Variants in CLCN1 observed in about 807,000 individuals in gnomAD.
The protein encoded by CLCN1 is chloride channel protein 1.
A neutral mutation model predicts 114.5 loss-of-function variants in CLCN1; 100 were observed. That is an observed-to-expected ratio of 0.87 (90% CI 0.74 to 1.03). The LOEUF is 1.03. Ranked by LOEUF, CLCN1 falls within the 50% of genes least tolerant of loss-of-function variation. The pLI, the probability that CLCN1 is intolerant of heterozygous loss-of-function variation, is 0.00. For synonymous variants in CLCN1, 485 were observed against 487.1 expected, an observed-to-expected ratio of 1.00 and a Z score of 0.06; for missense variants, 1,188 against 1,250.0, an observed-to-expected ratio of 0.95 and a Z score of 0.75.
intron 2 of CLCN1, 91 bp from the exon 3 acceptor site, chr7:143,320,570 TCTC>T: frequency 9.6e-7 from 1 of 1,046,722 alleles, no homozygotes; most frequent in Non-Finnish European, 1.4e-6. Context: ...TCTCTCTCTC[TCTC>T]TCTCTCTCTC....
intron 1 of CLCN1, among the ~76,000 whole-genome samples, chr7:143,318,715 G>A (rs996308032): frequency 2.6e-5 from 4 of 152,122 alleles, no homozygotes; most frequent in Admixed American, 1.3e-4. Context: ...ACTGGCCTGG[G>A]GCCTTGAGGA....
intron 7 of CLCN1, among the ~76,000 whole-genome samples, chr7:143,327,487 G>C (rs1184679837): frequency 6.6e-6 from 1 of 152,150 alleles, no homozygotes; most frequent in African/African-American, 2.4e-5. Flanking sequence ...CCCTTTGTCA[G>C]ATGTGTGCAG....
chr7:143,337,697 G>A (rs1158575850), intron 12 of CLCN1, among the ~76,000 whole-genome samples: 1 of 150,954 alleles, frequency 6.6e-6, no homozygotes, highest in African/African-American at 2.4e-5. Flanking sequence ...TTTTGGAAGG[G>A]ATATATAAAC....
At position 143,341,952 on chromosome 7, in the gene CLCN1, G is replaced by A. The variant is rs777685454; in HGVS notation, c.1606G>A (p.Val536Ile). The change falls in exon 15 of 23, where the codon GTT (valine) becomes ATT (isoleucine). Residue 536 changes from valine to isoleucine, a missense_variant. By Grantham distance (29) the Val-to-Ile change is conservative. Coordinates refer to ENST00000343257, the MANE Select transcript of CLCN1 (RefSeq NM_000083.3). The part of the protein sequence containing the change: ...VIGAAALTGA[V>I]SHTVSTAVIC... ...AGGAGCAGCAGCGCTGACTGGTGCC[G>A]TTTCCCACACAGTCTCCACAGCTGT... is the stretch of plus-strand genomic sequence containing the variant. The A allele has an allele frequency of 2.0e-5, 32 of 1,613,744 alleles. No individual in the cohort carries two copies. The highest frequency in any genetic ancestry group is 2.2e-5 in the East Asian group (1 of 44,898).
chr7:143,346,512 TG>T, intron 18 of CLCN1, 66 bp from the exon 19 acceptor site: 1 of 1,271,560 alleles, frequency 7.9e-7, no homozygotes, highest in Non-Finnish European at 1.2e-6. Context: ...TGTTAGGCAC[TG>T]GGTGGGGCCC....
intron 7 of CLCN1, among the ~76,000 whole-genome samples, chr7:143,329,130 A>G (rs1266288315): frequency 6.6e-6 from 1 of 151,764 alleles, no homozygotes; most frequent in Non-Finnish European, 1.5e-5. Context: ...ACAGCGCCTG[A>G]CTAATTTTTG....
chr7:143,324,455 T>C lies in CLCN1; in HGVS notation c.816T>C (p.Ala272=), dbSNP rs1258648680. Residue 272 remains alanine, a synonymous_variant, in exon 7 of 23, where the codon GCT becomes GCC. Coordinates refer to ENST00000343257, the MANE Select transcript of CLCN1 (RefSeq NM_000083.3). This position sits in a 1 kb window ranked among gnomAD's most constrained non-coding sequence, Gnocchi z 4.6. ...YYSDILTVGC[A]VGVGCCFGTP... ...CTGATATCCTGACGGTGGGCTGTGC[T>C]GTGGGAGTCGGCTGTTGTTTTGGGA... 6.2e-7 allele frequency: 1 copy of C among 1,613,880 alleles called. No homozygotes were observed. The highest frequency in any genetic ancestry group is 1.3e-5 in the African/African-American group (1 of 74,882).
At chr7:143,347,620 C>CA (rs57147641) in intron 20 of CLCN1, among the ~76,000 whole-genome samples, 14,123 of 94,132 alleles carry the variant, frequency 0.15, 930 homozygotes, top group Non-Finnish European at 0.17. Context: ...GACTTTGCCT[C>CA]AAAAAAAAAA....
Position 143,339,130 on chromosome 7 carries a change from G to A in CLCN1, c.1402-123G>A. 1.3e-6 allele frequency: 1 copy of A among 786,440 alleles called. No homozygotes were observed. 48.7% of individuals were successfully genotyped at this position (786,440 alleles called of 1,614,324 possible). A position where few individuals can be genotyped will look rare whatever the true frequency, so the allele number is the denominator to read the frequency against. ...CTGGAAGAAGGGTGACAGACAAAGT[G>A]ACTTTCAGAAGGATCAGCTATCCCA... On this transcript the variant is annotated intron_variant, in intron 12 of 22. Transcript: ENST00000343257. The surrounding 1 kb of genome is among the most constrained non-coding windows in gnomAD (Gnocchi z 4.1).
Position 143,350,616 on chromosome 7 carries a change from A to C in CLCN1, c.2557A>C (p.Ser853Arg). Residue 853 changes from serine (S) to arginine (R), a missense_variant, in exon 22 of 23, where the codon AGC (serine) becomes CGC (arginine). Transcript: ENST00000343257. This position sits in a 1 kb window ranked among gnomAD's most constrained non-coding sequence, Gnocchi z 5.1. Reference sequence around the variant, plus strand: ...TGGCCTCCACCTCGCTTACGTGACCAGCATGGGGAAGCTCAGGGGCGTCCT... The same window carrying C: ...TGGCCTCCACCTCGCTTACGTGACCCGCATGGGGAAGCTCAGGGGCGTCCT... ...LLGLHLAYVT[S>R]MGKLRGVLAL... 1 of 1,614,162 alleles carries C rather than the reference A, an allele frequency of 6.2e-7. No individual in the cohort carries two copies.
chr7:143,345,806 CA>C, intron 17 of CLCN1, 44 bp downstream of exon 17: 6 of 1,363,114 alleles, frequency 4.4e-6, no homozygotes, highest in Non-Finnish European at 6.1e-6. Context: ...AGATCAGGAG[CA>C]AAGGGAAAAG....
At chr7:143,343,746 CTCTT>C (rs1471062086) in intron 16 of CLCN1, among the ~76,000 whole-genome samples, 1 of 150,788 alleles carries the variant, frequency 6.6e-6, no homozygotes, top group African/African-American at 2.4e-5. Flanking sequence ...TTCTTTCTTT[CTCTT>C]TCTCTCTCTC....
chr7:143,339,102 T>C lies in CLCN1; in HGVS notation c.1402-151T>C, dbSNP rs1053392407. 2 of 749,770 alleles carry C rather than the reference T, an allele frequency of 2.7e-6. No individual in the cohort carries two copies. The highest frequency in any genetic ancestry group is 3.4e-5 in the Admixed American group (2 of 58,142). 46.4% of individuals were successfully genotyped at this position (749,770 alleles called of 1,614,324 possible). On this transcript the variant is annotated intron_variant, in intron 12 of 22. Coordinates refer to ENST00000343257, the MANE Select transcript of CLCN1 (RefSeq NM_000083.3). This position sits in a 1 kb window ranked among gnomAD's most constrained non-coding sequence, Gnocchi z 4.1. Reference sequence around the variant, plus strand: ...TAGCCTGAGAGCTCTATGGCTTTTGTTTCTGGAAGAAGGGTGACAGACAAA... The same window carrying C: ...TAGCCTGAGAGCTCTATGGCTTTTGCTTCTGGAAGAAGGGTGACAGACAAA...
chr7:143,316,452 C>T, intron 1 of CLCN1, 60 bp downstream of exon 1: 1 of 1,490,834 alleles, frequency 6.7e-7, no homozygotes, highest in African/African-American at 1.4e-5. Context: ...GTGCCAGAGA[C>T]TGGTGAAAAT....
At position 143,330,796 on chromosome 7, in the gene CLCN1, C is replaced by G. The variant is rs762943928; in HGVS notation, c.878C>G (p.Thr293Ser). Reference sequence around the variant, plus strand: ...GGAGTGCTATTTAGCATCGAGGTCACCTCCACCTACTTTGCTGTTCGGAAC... The same window carrying G: ...GGAGTGCTATTTAGCATCGAGGTCAGCTCCACCTACTTTGCTGTTCGGAAC... ...LGGVLFSIEVTSTYFAVRNYW... is the reference protein window; with the variant it reads ...LGGVLFSIEVSSTYFAVRNYW... Residue 293 changes from threonine to serine, a missense_variant, in exon 8 of 23, where the codon ACC becomes AGC. By Grantham distance (58) the Thr-to-Ser change is moderately conservative. Transcript: ENST00000343257. 6.2e-7 allele frequency: 1 copy of G among 1,614,196 alleles called. No homozygotes were observed. The highest frequency in any genetic ancestry group is 1.1e-5 in the South Asian group (1 of 91,082).
intron 2 of CLCN1, 149 bp from the exon 3 acceptor site, chr7:143,320,515 A>G (rs1802395577): frequency 1.3e-6 from 1 of 741,698 alleles, no homozygotes; most frequent in Non-Finnish European, 2.2e-6. Context: ...CATCTTGGGT[A>G]TAGCACCCAA....
chr7:143,339,658 G>T lies in CLCN1; in HGVS notation c.1582+37G>T. The stretch of plus-strand genomic sequence containing the variant: ...TCCCACTTCCCTGTAATCAAACATT[G>T]AGTACTTCAGATCCCCACACTTAAA... On this transcript the variant is annotated intron_variant, in intron 14 of 22. Transcript: ENST00000343257. This position sits in a 1 kb window ranked among gnomAD's most constrained non-coding sequence, Gnocchi z 4.1. 8.2e-7 allele frequency: 1 copy of T among 1,223,948 alleles called. No homozygotes were observed. Among genetic ancestry groups the T allele is most frequent in the South Asian group, 1.2e-5 (1 of 83,002 alleles). The allele number at this position is 1,223,948 out of a possible 1,614,324, so 75.8% of individuals were successfully genotyped here.
rs761942077 is a variant in CLCN1 at position 143,316,163 on chromosome 7, G to A, written c.-50G>A. On this transcript the variant is annotated 5_prime_UTR_variant, in exon 1 of 23. Coordinates refer to ENST00000343257, the MANE Select transcript of CLCN1 (RefSeq NM_000083.3). ...GGCTTAAGGAGCTACACTGGGGGAA[G>A]GACAGGGGCAAGCAGGCCAAGGCCT... The A allele has an allele frequency of 1.3e-6, 2 of 1,486,686 alleles. No individual in the cohort carries two copies. The highest frequency in any genetic ancestry group is 2.3e-5 in the South Asian group (2 of 88,758). 92.1% of individuals were successfully genotyped at this position (1,486,686 alleles called of 1,614,324 possible).
chr7:143,317,707 C>T (rs1318048482), intron 1 of CLCN1, among the ~76,000 whole-genome samples: 4 of 152,006 alleles, frequency 2.6e-5, no homozygotes, highest in Non-Finnish European at 4.4e-5. Flanking sequence ...CTGACCAACC[C>T]CCAGGAGTAT....
Sources: gnomAD v4.1 joint callset for allele counts (sites outside exome capture counted in the v4.1 genomes callset) on GRCh38, gnomAD v4.1.1 for gene constraint, Gnocchi (gnomAD v3.1) non-coding constraint, MANE v1.5 for transcripts, NCBI Gene and HGNC (gene_info 2026-07-23, HGNC 2026-07-21) for gene names.